Variants in WDR25 observed in about 807,000 individuals in gnomAD.
WDR25 encodes the protein WD repeat domain 25.
A neutral mutation model predicts 47.7 loss-of-function variants in WDR25; 35 were observed. The ratio of observed to expected loss-of-function variants is 0.73; its 90% confidence interval spans 0.56 to 0.97. The LOEUF is 0.97. WDR25 is among the 50% of genes least tolerant of loss of function. The probability of loss-of-function intolerance (pLI) is 0.00; values close to 1 mark genes in which losing one functional copy is unlikely to be tolerated. For synonymous variants in WDR25, 248 were observed against 278.9 expected (o/e 0.89, Z 1.10); for missense variants, 634 against 704.7 (o/e 0.90, Z 1.14).
rs544882818 is a variant in WDR25, at chr14:100,514,086, C to T, written c.1102-11784C>T. Among the ~76,000 whole-genome samples the T allele has an allele frequency of 2.2e-4, 33 of 152,046 alleles. 1 individual carries two copies. The highest frequency in any genetic ancestry group is 8.3e-4 in the South Asian group (4 of 4,814). On this transcript the variant is annotated intron_variant, in intron 4 of 6. Coordinates refer to ENST00000402312, the MANE Select transcript of WDR25 (RefSeq NM_001161476.3). ...AAGTAGCTGGGACTACAGGCGCCCGCCACCACGCCCGGCTAATTTTTTTGT... is the reference window on the plus strand; with the variant it reads ...AAGTAGCTGGGACTACAGGCGCCCGTCACCACGCCCGGCTAATTTTTTTGT...
chr14:100,444,370 A>G (rs1566912355), intron 2 of WDR25, among the ~76,000 whole-genome samples: 1 of 152,208 alleles, frequency 6.6e-6, no homozygotes, highest in Non-Finnish European at 1.5e-5. Flanking sequence ...GTTGTGGGTC[A>G]GGGAGGCTGC....
intron 2 of WDR25, among the ~76,000 whole-genome samples, chr14:100,438,320 T>C (rs1038327674): frequency 2.0e-5 from 3 of 152,234 alleles, no homozygotes; most frequent in Non-Finnish European, 4.4e-5. Flanking sequence ...AATGAAGATA[T>C]GACTCTTAGG....
chr14:100,458,194 A>G (rs1431467333), intron 2 of WDR25, among the ~76,000 whole-genome samples: 2 of 152,148 alleles, frequency 1.3e-5, no homozygotes, highest in Non-Finnish European at 2.9e-5. Context: ...AAGGGATAGA[A>G]AAAGATATAT....
At position 100,393,247 on chromosome 14, in the gene WDR25, T is replaced by C. The variant is rs144608144; in HGVS notation, c.822+11501T>C. On this transcript the variant is annotated intron_variant, in intron 2 of 6. Transcript: ENST00000402312. Reference sequence around the variant, plus strand: ...GTGTATTTACACAGCCTGACAACTGTAGGGAAAATGAAAGAGATTTTATAA... The same window carrying C: ...GTGTATTTACACAGCCTGACAACTGCAGGGAAAATGAAAGAGATTTTATAA... 3.6e-4 allele frequency among the ~76,000 whole-genome samples: 55 copies of C among 152,386 alleles called. No homozygotes were observed. The East Asian group carries it at 0.01, about 28-fold the overall frequency.
intron 3 of WDR25, among the ~76,000 whole-genome samples, chr14:100,481,459 G>A (rs375257441): frequency 6.8e-6 from 1 of 146,124 alleles, no homozygotes; most frequent in Admixed American, 6.9e-5. Flanking sequence ...TTTTTTAAGA[G>A]GTGAAATCAT....
chr14:100,403,802 GAAATGCACATGA>G, intron 2 of WDR25, among the ~76,000 whole-genome samples: 13 of 152,196 alleles, frequency 8.5e-5, no homozygotes, highest in Non-Finnish European at 1.9e-4. Flanking sequence ...TCTTCTAATT[GAAATGCACATGA>G]AGTGCTTGGC....
intron 2 of WDR25, among the ~76,000 whole-genome samples, chr14:100,439,069 G>C (rs1898587047): frequency 6.6e-6 from 1 of 152,222 alleles, no homozygotes; most frequent in Non-Finnish European, 1.5e-5. Flanking sequence ...GAGTGGGGCT[G>C]GGCATCAGTT....
At chr14:100,451,935 G>A (rs921408525) in intron 2 of WDR25, among the ~76,000 whole-genome samples, 2 of 152,188 alleles carry the variant, frequency 1.3e-5, no homozygotes, top group African/African-American at 2.4e-5. Flanking sequence ...TTTCCAATCT[G>A]CTGATGACCC....
intron 2 of WDR25, among the ~76,000 whole-genome samples, chr14:100,462,778 G>C (rs771262260): frequency 7.3e-5 from 11 of 151,440 alleles, no homozygotes; most frequent in Middle Eastern, 3.4e-3. Flanking sequence ...TGCCCAAGCT[G>C]GTTCTTCCTC....
rs1183063504 is a variant in WDR25, at chr14:100,381,331, A to T, written c.407A>T (p.Gln136Leu). 6.2e-7 allele frequency: 1 copy of T among 1,614,230 alleles called. No individual in the cohort carries two copies. Among genetic ancestry groups the T allele is most frequent in the Non-Finnish European group, 8.5e-7 (1 of 1,180,034 alleles). Residue 136 changes from glutamine (Q) to leucine (L), a missense_variant, in exon 2 of 7, where the codon CAA becomes CTA. Transcript: ENST00000402312. ...HMPLAAARFK[Q>L]VKLSRNFPKS... ...CCCCTGGCAGCTGCCCGCTTTAAGC[A>T]AGTAAAACTCTCCAGGAACTTTCCC...
chr14:100,446,991 C>G (rs1898857320), intron 2 of WDR25, among the ~76,000 whole-genome samples: 1 of 152,194 alleles, frequency 6.6e-6, no homozygotes, highest in Admixed American at 6.5e-5. Flanking sequence ...CTTCTTAATC[C>G]TTTAGAATCA....
Position 100,506,083 on chromosome 14 carries a change from A to G in WDR25, c.1102-19787A>G, listed in dbSNP as rs1175602190. 1.3e-5 allele frequency among the ~76,000 whole-genome samples: 2 copies of G among 152,050 alleles called. No individual in the cohort carries two copies. The highest frequency in any genetic ancestry group is 2.9e-5 in the Non-Finnish European group (2 of 67,990). On this transcript the variant is annotated intron_variant, in intron 4 of 6. Coordinates refer to ENST00000402312, the MANE Select transcript of WDR25 (RefSeq NM_001161476.3). The surrounding 1 kb of genome is among the most constrained non-coding windows in gnomAD (Gnocchi z 4.8). ...TGCCCGCTCCCTCCCTCCACCCTCT[A>G]GACCACAGTGTCTATTGTGCCATCT...
chr14:100,461,687 C>G (rs564324556), intron 2 of WDR25, among the ~76,000 whole-genome samples: 1 of 152,262 alleles, frequency 6.6e-6, no homozygotes. Context: ...CAGGCTTGTG[C>G]TGAACTGTGT....
At chr14:100,385,432 G>T (rs1270234794) in intron 2 of WDR25, among the ~76,000 whole-genome samples, 1 of 152,146 alleles carries the variant, frequency 6.6e-6, no homozygotes, top group Non-Finnish European at 1.5e-5. Flanking sequence ...TTCTGATCAG[G>T]AGAAAAACAA....
Position 100,517,106 on chromosome 14 carries a change from G to GTTTT in WDR25, c.1102-8740_1102-8737dup, listed in dbSNP as rs796096587. Reference sequence around the variant, plus strand: ...CCACTGCACCTGACATATCTCCTCTGTTTTTTTTTTTTTTTTTTTTTTTTT... The same window carrying GTTTT: ...CCACTGCACCTGACATATCTCCTCTGTTTTTTTTTTTTTTTTTTTTTTTTTTTTT... On this transcript the variant is annotated intron_variant, in intron 4 of 6. Transcript: ENST00000402312. 1.5e-3 allele frequency among the ~76,000 whole-genome samples: 101 copies of GTTTT among 65,892 alleles called. 19 individuals are homozygous for GTTTT. The highest frequency in any genetic ancestry group is 6.1e-3 in the African/African-American group (84 of 13,882). The allele number at this position is 65,892 out of a possible 152,430, so 43.2% of individuals were successfully genotyped here.
At chr14:100,387,002 G>A (rs775188201) in intron 2 of WDR25, among the ~76,000 whole-genome samples, 10 of 151,984 alleles carry the variant, frequency 6.6e-5, no homozygotes, top group Non-Finnish European at 1.0e-4. Context: ...CAGTACCACT[G>A]TTGTACTCCT....
chr14:100,492,897 G>A (rs754881295), intron 4 of WDR25, among the ~76,000 whole-genome samples: 10 of 152,032 alleles, frequency 6.6e-5, no homozygotes, highest in Non-Finnish European at 1.3e-4. Context: ...CTGCATCCTC[G>A]AACTCCTGGG....
intron 2 of WDR25, chr14:100,454,699 A>G: frequency 2.9e-6 from 1 of 339,752 alleles, no homozygotes; most frequent in Non-Finnish European, 5.8e-6. Flanking sequence ...GGCTGCTAAA[A>G]ATTTGTATAG....
At chr14:100,422,135 C>A (rs1367189696) in intron 2 of WDR25, among the ~76,000 whole-genome samples, 1 of 152,172 alleles carries the variant, frequency 6.6e-6, no homozygotes, top group Non-Finnish European at 1.5e-5. Context: ...GTGGGCAGCT[C>A]ATCTCTGCTC....
Sources: allele counts gnomAD v4.1 joint callset (sites outside exome capture counted in the v4.1 genomes callset), GRCh38; gene constraint gnomAD v4.1.1; non-coding constraint Gnocchi (gnomAD v3.1); transcripts MANE v1.5; gene names NCBI Gene and HGNC (gene_info 2026-07-23, HGNC 2026-07-21).